SPTBN4: variants seen among roughly 807,000 people sequenced by gnomAD.
SPTBN4 encodes the protein spectrin beta, non-erythrocytic 4.
SPTBN4 carries 96 observed loss-of-function variants against 277.8 expected under a neutral mutation model. That is an observed-to-expected ratio of 0.35 (90% CI 0.29 to 0.41). The LOEUF is 0.41. Among genes scored for constraint, SPTBN4 ranks in the 10% least tolerant of loss-of-function variants. The pLI is 1.00. For synonymous variants in SPTBN4, 1,481 were observed against 1,580.3 expected (o/e 0.94, Z 1.49); for missense variants, 3,006 against 3,595.7 (o/e 0.84, Z 4.19).
At position 40,565,490 on chromosome 19, in the gene SPTBN4, G is replaced by A; in HGVS notation, c.5983G>A (p.Val1995Met). Residue 1995 changes from valine (V) to methionine (M), a missense_variant, in exon 28 of 36, where the codon GTG (valine) becomes ATG (methionine). By Grantham distance (21) the Val-to-Met change is conservative. This residue lies in a region of SPTBN4 where 425 missense variants were observed against 594.7 expected (regional missense o/e 0.71). Transcript: ENST00000598249. ...CCTGAAGACTGAGCTGGAGGCGCGG[G>A]TGCCTGAGCTGACCACCTGCCAGGA... ...QGLKTELEARVPELTTCQELG... is the reference protein window; with the variant it reads ...QGLKTELEARMPELTTCQELG... 1 of 1,614,144 alleles carries A rather than the reference G, an allele frequency of 6.2e-7. No homozygotes were observed. The highest frequency in any genetic ancestry group is 8.5e-7 in the Non-Finnish European group (1 of 1,180,020).
chr19:40,548,054 A>G (rs1275439332), intron 20 of SPTBN4, among the ~76,000 whole-genome samples: 1 of 152,238 alleles, frequency 6.6e-6, no homozygotes, highest in African/African-American at 2.4e-5. Flanking sequence ...CATTCATTAA[A>G]TAATCCATCT....
intron 1 of SPTBN4, among the ~76,000 whole-genome samples, chr19:40,467,634 G>T (rs929267805): frequency 3.3e-5 from 5 of 151,742 alleles, no homozygotes; most frequent in Admixed American, 6.6e-5. Context: ...GGGGGGGGGG[G>T]GGTGTTGGGG....
intron 26 of SPTBN4, among the ~76,000 whole-genome samples, chr19:40,559,891 C>T (rs528353499): frequency 1.1e-4 from 17 of 152,338 alleles, no homozygotes; most frequent in South Asian, 4.1e-4. Context: ...TGCCTGAAAA[C>T]ACAGGTGGCA....
rs997880415 is a variant in SPTBN4, at chr19:40,520,011, G to C, written c.3514G>C (p.Glu1172Gln). The C allele has an allele frequency of 5.1e-6, 8 of 1,561,782 alleles. No individual in the cohort carries two copies. Among genetic ancestry groups the C allele is most frequent in the Non-Finnish European group, 6.9e-6 (8 of 1,158,378 alleles). Residue 1172 changes from glutamate to glutamine, a missense_variant, in exon 16 of 36, where the codon GAG (glutamate) becomes CAG (glutamine). Around this residue, in one of 5 missense-constraint regions of SPTBN4, gnomAD observed 1,759 missense variants for 2,061.5 expected, o/e 0.85. Coordinates refer to ENST00000598249, the MANE Select transcript of SPTBN4 (RefSeq NM_020971.3). The stretch of plus-strand genomic sequence containing the variant: ...GCTGGGCCCGGGCCTGGCACTAGAC[G>C]AGTGGCTGCCACACCTCGAACTTGG... ...AELGPGLALD[E>Q]WLPHLELGWH...
At chr19:40,541,052 T>C (rs995712162) in intron 20 of SPTBN4, among the ~76,000 whole-genome samples, 9 of 151,984 alleles carry the variant, frequency 5.9e-5, no homozygotes, top group Non-Finnish European at 1.3e-4. Context: ...GTCCGATGGC[T>C]GGGAAGTGGT....
At chr19:40,532,876 C>A (rs141512808) in intron 19 of SPTBN4, 105 bp downstream of exon 19, 147 of 1,362,360 alleles carry the variant, frequency 1.1e-4, no homozygotes, top group Middle Eastern at 2.2e-4. Flanking sequence ...TGGTCTTACA[C>A]CTCTGGACTG....
At position 40,568,077 on chromosome 19, in the gene SPTBN4, C is replaced by A; in HGVS notation, c.6751C>A (p.Arg2251=). ...GCTGCCCAGGAGGCGGCGGCCTGAG[C>A]GGCAAGAGTCAGTCGATCAATCCGA... is the stretch of plus-strand genomic sequence containing the variant. ...EELPRRRRPE[R]QESVDQSEEA... is the part of the protein sequence containing the mutation. The change falls in exon 31 of 36, where the codon CGG becomes AGG. Residue 2251 remains arginine (R), a synonymous_variant. Coordinates refer to ENST00000598249, the MANE Select transcript of SPTBN4 (RefSeq NM_020971.3). 1 of 1,562,316 alleles carries A rather than the reference C, an allele frequency of 6.4e-7. No homozygotes were observed. Among genetic ancestry groups the A allele is most frequent in the Non-Finnish European group, 8.7e-7 (1 of 1,153,964 alleles).
chr19:40,532,686 A>T lies in SPTBN4; in HGVS notation c.4010A>T (p.His1337Leu). Residue 1337 changes from histidine to leucine, a missense_variant, in exon 19 of 36, where the codon CAC becomes CTC. His to Leu is a moderately conservative substitution (Grantham distance 99, BLOSUM62 -3). Transcript: ENST00000598249. ...CGGGATGGCACGCGGGAGGACAACC[A>T]CAAGCTGCATAAGAGATGGCTCCGG... ...MARDGTREDNHKLHKRWLRHQ... is the reference protein window; with the variant it reads ...MARDGTREDNLKLHKRWLRHQ... The T allele has an allele frequency of 6.2e-7, 1 of 1,613,608 alleles. No homozygotes were observed. The highest frequency in any genetic ancestry group is 1.1e-5 in the South Asian group (1 of 91,056).
At chr19:40,562,950 G>A (rs2081058268) in intron 27 of SPTBN4, among the ~76,000 whole-genome samples, 1 of 152,180 alleles carries the variant, frequency 6.6e-6, no homozygotes. Context: ...GGTGGCTCAC[G>A]CCTGTAATCC....
At chr19:40,566,416 A>C in intron 30 of SPTBN4, 57 bp downstream of exon 30, 25 of 1,369,662 alleles carry the variant, frequency 1.8e-5, no homozygotes, top group Non-Finnish European at 2.1e-5. Flanking sequence ...CCCCACACCC[A>C]TGGCTCTATA....
intron 3 of SPTBN4, 105 bp downstream of exon 3, chr19:40,487,953 G>A: frequency 7.5e-7 from 1 of 1,327,776 alleles, no homozygotes; most frequent in Non-Finnish European, 9.9e-7. Flanking sequence ...CTGGCTCATG[G>A]GCGAGTGGAA....
Position 40,503,827 on chromosome 19 carries a change from C to T in SPTBN4, c.1363-3C>T. Reference sequence around the variant, plus strand: ...TGGGTGAGTGTCTGGCTCACTGCCCCAGGACAACTTTGGGTATGAGCTGCC... The same window carrying T: ...TGGGTGAGTGTCTGGCTCACTGCCCTAGGACAACTTTGGGTATGAGCTGCC... On this transcript the variant is annotated splice_polypyrimidine_tract_variant and splice_region_variant and intron_variant, in intron 11 of 35. Transcript: ENST00000598249. 6.3e-7 allele frequency: 1 copy of T among 1,575,076 alleles called. No homozygotes were observed. The highest frequency in any genetic ancestry group is 8.6e-7 in the Non-Finnish European group (1 of 1,156,680).
Position 40,534,107 on chromosome 19 carries a change from C to G in SPTBN4, c.4123C>G (p.Pro1375Ala). ...REGQQLMQEK[P>A]ELAASVRKKL... ...GGGCCAGCAACTGATGCAGGAGAAG[C>G]CCGAACTGGCGGCCTCCGTGCGGAA... The change falls in exon 20 of 36, where the codon CCC (proline) becomes GCC (alanine). Residue 1375 changes from proline (P) to alanine (A), a missense_variant. Around this residue, in one of 5 missense-constraint regions of SPTBN4, gnomAD observed 1,759 missense variants for 2,061.5 expected, o/e 0.85. Transcript: ENST00000598249. The G allele has an allele frequency of 6.2e-7, 1 of 1,607,570 alleles. No homozygotes were observed. The highest frequency in any genetic ancestry group is 1.3e-5 in the African/African-American group (1 of 74,956).
intron 2 of SPTBN4, among the ~76,000 whole-genome samples, chr19:40,473,063 T>C (rs1293633919): frequency 6.6e-6 from 1 of 152,156 alleles, no homozygotes. Flanking sequence ...TATATATTTT[T>C]TGAGACAGAG....
rs949985621 is a variant in SPTBN4 at position 40,560,687 on chromosome 19, A to T, written c.5915+284A>T. On this transcript the variant is annotated intron_variant, in intron 27 of 35. Transcript: ENST00000598249. The surrounding 1 kb of genome is among the most constrained non-coding windows in gnomAD (Gnocchi z 5.2). ...TGTCACAGCATGAAACAGGCTAAAG[A>T]CAGGATGGGCAAGGGAGGTGTGGGA... 1.4e-5 allele frequency: 20 copies of T among 1,419,188 alleles called. No individual in the cohort carries two copies. The highest frequency in any genetic ancestry group is 1.8e-5 in the Non-Finnish European group (20 of 1,090,136). The allele number at this position is 1,419,188 out of a possible 1,614,324, so 87.9% of individuals were successfully genotyped here.
chr19:40,572,336 A>G lies in SPTBN4; in HGVS notation c.7494-2A>G. The G allele has an allele frequency of 6.2e-7, 1 of 1,614,160 alleles. No homozygotes were observed. The highest frequency in any genetic ancestry group is 8.5e-7 in the Non-Finnish European group (1 of 1,180,006). On this transcript the variant is annotated splice_acceptor_variant, in intron 34 of 35. Transcript: ENST00000598249. LOFTEE classifies it high-confidence loss of function. ...TCTGAAGTCCTGTGTCCCTTCCTGC[A>G]GGACCCAGGATGGCAGTGAGTTTTT...
At chr19:40,548,706 C>T (rs1176618033) in intron 20 of SPTBN4, among the ~76,000 whole-genome samples, 5 of 150,676 alleles carry the variant, frequency 3.3e-5, no homozygotes, top group Admixed American at 6.6e-5. Context: ...CAGAGCGAGA[C>T]TCCATCTCAA....
intron 4 of SPTBN4, 77 bp from the exon 5 acceptor site, chr19:40,492,886 G>A: frequency 2.3e-6 from 3 of 1,299,010 alleles, no homozygotes; most frequent in African/African-American, 2.9e-5. Context: ...ACCTTCTCTG[G>A]TAGCAGATGG....
chr19:40,564,290 G>C (rs1007798037), intron 27 of SPTBN4, among the ~76,000 whole-genome samples: 1 of 152,180 alleles, frequency 6.6e-6, no homozygotes, highest in Admixed American at 6.5e-5. Flanking sequence ...CTACCTAGAA[G>C]GGGGAGGTTG....
Sources: gnomAD v4.1 joint callset for allele counts (sites outside exome capture counted in the v4.1 genomes callset) on GRCh38, gnomAD v4.1.1 for gene constraint, gnomAD v4.1.1 regional missense constraint, Gnocchi (gnomAD v3.1) non-coding constraint, MANE v1.5 for transcripts, NCBI Gene and HGNC (gene_info 2026-07-23, HGNC 2026-07-21) for gene names.